Variants in CENPVL3 observed in about 807,000 individuals in gnomAD.
The protein encoded by CENPVL3 is centromere protein V-like protein 3.
Position 51,618,739 on chromosome X carries a change from G to A in CENPVL3, c.135C>T (p.Val45=), listed in dbSNP as rs1922341248. The A allele has an allele frequency of 3.4e-6, 1 of 296,369 alleles. No individual in the cohort carries two copies. The allele number at this position is 296,369 out of a possible 1,213,427, so 24.4% of individuals were successfully genotyped here. A position where few individuals can be genotyped will look rare whatever the true frequency, so the allele number is the denominator to read the frequency against. ...RAQCPRVQVG[V]GSHAAAKRWL... ...ACCTCTTGGCCGCCGCGTGGCTCCC[G>A]ACCCCGACTTGGACCCGGGGGCACT... The change falls in exon 1 of 1, where the codon GTC becomes GTT. Residue 45 remains valine (V), a synonymous_variant. Transcript: ENST00000417339.
rs1354844365 is a variant in CENPVL3, at chrX:51,617,946, G to A, written c.*109C>T. Reference sequence around the variant, plus strand: ...GGGCAAATACTGGAAGGGAATCCCCGGTGTGACCAGGCCAGAAACACCTCT... The same window carrying A: ...GGGCAAATACTGGAAGGGAATCCCCAGTGTGACCAGGCCAGAAACACCTCT... On this transcript the variant is annotated 3_prime_UTR_variant, in exon 1 of 1. Transcript: ENST00000417339. The A allele has an allele frequency of 5.9e-6, 1 of 168,512 alleles. No individual in the cohort carries two copies. Among genetic ancestry groups the A allele is most frequent in the African/African-American group, 5.5e-5 (1 of 18,255 alleles). The allele number at this position is 168,512 out of a possible 1,213,427, so 13.9% of individuals were successfully genotyped here. A position where few individuals can be genotyped will look rare whatever the true frequency, so the allele number is the denominator to read the frequency against.
At position 51,618,543 on chromosome X, in the gene CENPVL3, C is replaced by T; in HGVS notation, c.331G>A (p.Gly111Ser). Residue 111 changes from glycine to serine, a missense_variant, in exon 1 of 1, where the codon GGC becomes AGC. Gly to Ser is a moderately conservative substitution (Grantham distance 56). Transcript: ENST00000417339. ...ERWETFRKLW[G>S]LSCEGAAKVL... ...TTGGCGGCGCCCTCGCAGCTGAGGCCCCACAGTTTCCTGAACGTCTCCCAG... is the reference window on the plus strand; with the variant it reads ...TTGGCGGCGCCCTCGCAGCTGAGGCTCCACAGTTTCCTGAACGTCTCCCAG... 1.0e-5 allele frequency: 3 copies of T among 298,089 alleles called. No homozygotes were observed. The highest frequency in any genetic ancestry group is 1.8e-5 in the Non-Finnish European group (3 of 170,415). The allele number at this position is 298,089 out of a possible 1,213,427, so 24.6% of individuals were successfully genotyped here. A position where few individuals can be genotyped will look rare whatever the true frequency, so the allele number is the denominator to read the frequency against.
At position 51,617,682 on chromosome X, in the gene CENPVL3, GA is replaced by G. The variant is rs1393517738; in HGVS notation, c.*372del. ...TCCTACACACCAGACGCAAAGCGCT[GA>G]AAACAACAAGCCTGTTCACAATAGC... On this transcript the variant is annotated 3_prime_UTR_variant, in exon 1 of 1. Transcript: ENST00000417339. 3.7e-5 allele frequency: 5 copies of G among 135,005 alleles called. No homozygotes were observed. The highest frequency in any genetic ancestry group is 1.6e-4 in the African/African-American group (5 of 31,352). 11.1% of individuals were successfully genotyped at this position (135,005 alleles called of 1,213,427 possible). A position where few individuals can be genotyped will look rare whatever the true frequency, so the allele number is the denominator to read the frequency against.
chrX:51,618,785 A>G lies in CENPVL3; in HGVS notation c.89T>C (p.Val30Ala), dbSNP rs1372356830. Residue 30 changes from valine to alanine, a missense_variant, in exon 1 of 1, where the codon GTC (valine) becomes GCC (alanine). By Grantham distance (64) the Val-to-Ala change is moderately conservative. Transcript: ENST00000417339. The part of the protein sequence containing the change: ...DPPAACAAIA[V>A]MGASRAQCPR... ...GCACTGCGCGCGGCTGGCGCCCATG[A>G]CCGCGATGGCCGCGCAGGCGGCGGG... is the stretch of plus-strand genomic sequence containing the variant. 6.8e-6 allele frequency: 2 copies of G among 296,183 alleles called. No individual in the cohort carries two copies. The highest frequency in any genetic ancestry group is 6.1e-5 in the Admixed American group (1 of 16,469). 24.4% of individuals were successfully genotyped at this position (296,183 alleles called of 1,213,427 possible). A position where few individuals can be genotyped will look rare whatever the true frequency, so the allele number is the denominator to read the frequency against.
Position 51,618,744 on chromosome X carries a change from C to G in CENPVL3, c.130G>C (p.Gly44Arg), listed in dbSNP as rs1557340215. 1 of 296,462 alleles carries G rather than the reference C, an allele frequency of 3.4e-6. No homozygotes were observed. Among genetic ancestry groups the G allele is most frequent in the African/African-American group, 2.7e-5 (1 of 36,880 alleles). 24.4% of individuals were successfully genotyped at this position (296,462 alleles called of 1,213,427 possible). ...TTGGCCGCCGCGTGGCTCCCGACCC[C>G]GACTTGGACCCGGGGGCACTGCGCG... ...SRAQCPRVQV[G>R]VGSHAAAKRW... The change falls in exon 1 of 1, where the codon GGG (glycine) becomes CGG (arginine). Residue 44 changes from glycine (G) to arginine (R), a missense_variant. Gly to Arg is a moderately radical substitution (Grantham distance 125). Transcript: ENST00000417339.
rs1557340099 is a variant in CENPVL3 at position 51,617,601 on chromosome X, C to T, written c.*454G>A. ...CTAAAACACACACGTCGCACACACACGATAATGAATGGAAGACGTCCTAGC... is the reference window on the plus strand; with the variant it reads ...CTAAAACACACACGTCGCACACACATGATAATGAATGGAAGACGTCCTAGC... On this transcript the variant is annotated 3_prime_UTR_variant, in exon 1 of 1. Coordinates refer to ENST00000417339, the MANE Select transcript of CENPVL3 (RefSeq NM_001355276.2). 8.3e-6 allele frequency: 1 copy of T among 120,267 alleles called. No individual in the cohort carries two copies. The highest frequency in any genetic ancestry group is 3.2e-5 in the African/African-American group (1 of 31,216). The allele number at this position is 120,267 out of a possible 1,213,427, so 9.9% of individuals were successfully genotyped here.
Position 51,617,759 on chromosome X carries a change from T to C in CENPVL3, c.*296A>G, listed in dbSNP as rs187996114. The C allele has an allele frequency of 4.7e-6, 1 of 212,002 alleles. No homozygotes were observed. The highest frequency in any genetic ancestry group is 3.0e-5 in the African/African-American group (1 of 33,423). The allele number at this position is 212,002 out of a possible 1,213,427, so 17.5% of individuals were successfully genotyped here. Reference sequence around the variant, plus strand: ...TCATCTGCAGGTGATTTGTGACAACTGTAGGCAGAACAGTAAAAGCGAGAG... The same window carrying C: ...TCATCTGCAGGTGATTTGTGACAACCGTAGGCAGAACAGTAAAAGCGAGAG... On this transcript the variant is annotated 3_prime_UTR_variant, in exon 1 of 1. Transcript: ENST00000417339.
rs1410809315 is a variant in CENPVL3, at chrX:51,617,156, A to G, written c.*899T>C. 3.6e-5 allele frequency: 4 copies of G among 112,071 alleles called. No individual in the cohort carries two copies. The Admixed American group carries it at 3.8e-4, about 11-fold the overall frequency. 9.2% of individuals were successfully genotyped at this position (112,071 alleles called of 1,213,427 possible). A position where few individuals can be genotyped will look rare whatever the true frequency, so the allele number is the denominator to read the frequency against. On this transcript the variant is annotated 3_prime_UTR_variant, in exon 1 of 1. Coordinates refer to ENST00000417339, the MANE Select transcript of CENPVL3 (RefSeq NM_001355276.2). The stretch of plus-strand genomic sequence containing the variant: ...ATTACATAAATTATGAAAGATCCAT[A>G]TTTTTTAATTCTATGAAGCCATAAA...
Position 51,618,855 on chromosome X carries a change from G to C in CENPVL3, c.19C>G (p.Arg7Gly). Residue 7 changes from arginine to glycine, a missense_variant, in exon 1 of 1, where the codon CGC becomes GGC. Arg to Gly is a moderately radical substitution (Grantham distance 125). Transcript: ENST00000417339. ...CGCCTCCGCCGCTGAGCAGTGGCGCGGTTCCTCACTCTGCCCATGGCGCCT... is the reference window on the plus strand; with the variant it reads ...CGCCTCCGCCGCTGAGCAGTGGCGCCGTTCCTCACTCTGCCCATGGCGCCT... MGRVRN[R>G]ATAQRRRRKR... 6.7e-6 allele frequency: 2 copies of C among 298,055 alleles called. No individual in the cohort carries two copies. The highest frequency in any genetic ancestry group is 5.9e-6 in the Non-Finnish European group (1 of 170,294). The allele number at this position is 298,055 out of a possible 1,213,427, so 24.6% of individuals were successfully genotyped here. A position where few individuals can be genotyped will look rare whatever the true frequency, so the allele number is the denominator to read the frequency against.
rs1224231566 is a variant in CENPVL3 at position 51,618,511 on chromosome X, C to G, written c.363G>C (p.Leu121=). The G allele has an allele frequency of 3.4e-6, 1 of 295,210 alleles. No individual in the cohort carries two copies. Among genetic ancestry groups the G allele is most frequent in the African/African-American group, 2.8e-5 (1 of 36,337 alleles). The allele number at this position is 295,210 out of a possible 1,213,427, so 24.3% of individuals were successfully genotyped here. ...GGCCCGGGTACTCGAAGGTGTCCAGCAGGACCTTGGCGGCGCCCTCGCAGC... is the reference window on the plus strand; with the variant it reads ...GGCCCGGGTACTCGAAGGTGTCCAGGAGGACCTTGGCGGCGCCCTCGCAGC... The part of the protein sequence containing the change: ...GLSCEGAAKV[L]LDTFEYPGLV... Residue 121 remains leucine, a synonymous_variant, in exon 1 of 1, where the codon CTG becomes CTC. Transcript: ENST00000417339.
rs1557340038 is a variant in CENPVL3, at chrX:51,617,030, G to C, written c.*1025C>G. ...AGAGTATCCAGGCCCTTTTACCGAA[G>C]TAGTAGAACAATGCAGACATTTATT... On this transcript the variant is annotated 3_prime_UTR_variant, in exon 1 of 1. Coordinates refer to ENST00000417339, the MANE Select transcript of CENPVL3 (RefSeq NM_001355276.2). The C allele has an allele frequency of 1.8e-5, 2 of 112,102 alleles. No homozygotes were observed. Among genetic ancestry groups the C allele is most frequent in the Non-Finnish European group, 3.8e-5 (2 of 53,241 alleles). 9.2% of individuals were successfully genotyped at this position (112,102 alleles called of 1,213,427 possible).
Position 51,618,601 on chromosome X carries a change from A to G in CENPVL3, c.273T>C (p.Pro91=), listed in dbSNP as rs1186251140. The part of the protein sequence containing the change: ...LPDPPAPAES[P]KELDLGAQRE... ...GCTGTGCGCCCAGGTCCAGCTCCTT[A>G]GGGGACTCGGCGGGCGCCGGCGGGT... The change falls in exon 1 of 1, where the codon CCT becomes CCC. Residue 91 remains proline, a synonymous_variant. Coordinates refer to ENST00000417339, the MANE Select transcript of CENPVL3 (RefSeq NM_001355276.2). 6.4e-5 allele frequency: 19 copies of G among 296,686 alleles called. No individual in the cohort carries two copies. The highest frequency in any genetic ancestry group is 8.6e-4 in the Middle Eastern group (1 of 1,158). The allele number at this position is 296,686 out of a possible 1,213,427, so 24.5% of individuals were successfully genotyped here.
chrX:51,618,808 G>A lies in CENPVL3; in HGVS notation c.66C>T (p.Pro22=), dbSNP rs1557340222. Residue 22 remains proline, a synonymous_variant, in exon 1 of 1, where the codon CCC becomes CCT. Coordinates refer to ENST00000417339, the MANE Select transcript of CENPVL3 (RefSeq NM_001355276.2). ...RRRRKRPGDP[P]AACAAIAVMG... ...TGACCGCGATGGCCGCGCAGGCGGC[G>A]GGAGGATCCCCGGGCCGCTTTCGCC... The A allele has an allele frequency of 3.4e-6, 1 of 296,800 alleles. No individual in the cohort carries two copies. Among genetic ancestry groups the A allele is most frequent in the Non-Finnish European group, 5.9e-6 (1 of 169,918 alleles). 24.5% of individuals were successfully genotyped at this position (296,800 alleles called of 1,213,427 possible).
In CENPVL3 at chrX:51,618,633, G is replaced by A. The variant is rs1454824903; in HGVS notation, c.241C>T (p.Leu81Phe). The change falls in exon 1 of 1, where the codon CTC becomes TTC. Residue 81 changes from leucine to phenylalanine, a missense_variant. Physicochemically the swap from Leu to Phe is conservative, Grantham distance 22. Coordinates refer to ENST00000417339, the MANE Select transcript of CENPVL3 (RefSeq NM_001355276.2). ...TCGGCGGGCGCCGGCGGGTCCGGGA[G>A]TGGCGCGGAGGGCAGCGGATCTCTG... ...GSRDPLPSAP[L>F]PDPPAPAESP... is the part of the protein sequence containing the mutation. The A allele has an allele frequency of 6.7e-6, 2 of 296,627 alleles. No homozygotes were observed. Among genetic ancestry groups the A allele is most frequent in the Non-Finnish European group, 1.2e-5 (2 of 169,842 alleles). The allele number at this position is 296,627 out of a possible 1,213,427, so 24.4% of individuals were successfully genotyped here.
At position 51,618,165 on chromosome X, in the gene CENPVL3, C is replaced by T. The variant is rs1442976674; in HGVS notation, c.709G>A (p.Glu237Lys). The T allele has an allele frequency of 8.4e-6, 2 of 237,195 alleles. No individual in the cohort carries two copies. The highest frequency in any genetic ancestry group is 1.4e-5 in the Non-Finnish European group (2 of 146,620). The allele number at this position is 237,195 out of a possible 1,213,427, so 19.5% of individuals were successfully genotyped here. A position where few individuals can be genotyped will look rare whatever the true frequency, so the allele number is the denominator to read the frequency against. Residue 237 changes from glutamate (E) to lysine (K), a missense_variant, in exon 1 of 1, where the codon GAG becomes AAG. Physicochemically the swap from Glu to Lys is moderately conservative, Grantham distance 56. Transcript: ENST00000417339. ...CCCGGGTCGCCACCGCCGACCTCCT[C>T]GATGACCACGCTGCGCACGGTGCCC... The part of the protein sequence containing the change: ...DEGTVRSVVI[E>K]EVGGGDPGEE...
At position 51,618,782 on chromosome X, in the gene CENPVL3, A is replaced by T. The variant is rs376509001; in HGVS notation, c.92T>A (p.Met31Lys). ...PPAACAAIAV[M>K]GASRAQCPRV... ...GGGGCACTGCGCGCGGCTGGCGCCCATGACCGCGATGGCCGCGCAGGCGGC... is the reference window on the plus strand; with the variant it reads ...GGGGCACTGCGCGCGGCTGGCGCCCTTGACCGCGATGGCCGCGCAGGCGGC... Residue 31 changes from methionine to lysine, a missense_variant, in exon 1 of 1, where the codon ATG becomes AAG. Coordinates refer to ENST00000417339, the MANE Select transcript of CENPVL3 (RefSeq NM_001355276.2). 3.4e-6 allele frequency: 1 copy of T among 296,358 alleles called. No homozygotes were observed. The highest frequency in any genetic ancestry group is 4.8e-5 in the East Asian group (1 of 20,942). The allele number at this position is 296,358 out of a possible 1,213,427, so 24.4% of individuals were successfully genotyped here.
rs1250993753 is a variant in CENPVL3, at chrX:51,618,756, G to A, written c.118C>T (p.Arg40Trp). Residue 40 changes from arginine to tryptophan, a missense_variant, in exon 1 of 1, where the codon CGG becomes TGG. Coordinates refer to ENST00000417339, the MANE Select transcript of CENPVL3 (RefSeq NM_001355276.2). ...VMGASRAQCP[R>W]VQVGVGSHAA... ...TGGCTCCCGACCCCGACTTGGACCCGGGGGCACTGCGCGCGGCTGGCGCCC... is the reference window on the plus strand; with the variant it reads ...TGGCTCCCGACCCCGACTTGGACCCAGGGGCACTGCGCGCGGCTGGCGCCC... 2.7e-5 allele frequency: 8 copies of A among 296,249 alleles called. No individual in the cohort carries two copies. The highest frequency in any genetic ancestry group is 2.0e-4 in the South Asian group (1 of 4,983). 24.4% of individuals were successfully genotyped at this position (296,249 alleles called of 1,213,427 possible).
rs1922333233 is a variant in CENPVL3 at position 51,618,559 on chromosome X, C to A, written c.315G>T (p.Thr105=). ...AGCTGAGGCCCCACAGTTTCCTGAA[C>A]GTCTCCCAGCGCTCCCGCTGTGCGC... The part of the protein sequence containing the change: ...DLGAQRERWE[T]FRKLWGLSCE... Residue 105 remains threonine, a synonymous_variant, in exon 1 of 1, where the codon ACG becomes ACT. Transcript: ENST00000417339. 3 of 296,885 alleles carry A rather than the reference C, an allele frequency of 1.0e-5. No homozygotes were observed. Among genetic ancestry groups the A allele is most frequent in the East Asian group, 9.5e-5 (2 of 20,951 alleles). 24.5% of individuals were successfully genotyped at this position (296,885 alleles called of 1,213,427 possible).
At position 51,617,564 on chromosome X, in the gene CENPVL3, G is replaced by C. The variant is rs1922308260; in HGVS notation, c.*491C>G. 8.7e-6 allele frequency: 1 copy of C among 114,961 alleles called. No individual in the cohort carries two copies. The highest frequency in any genetic ancestry group is 3.2e-5 in the African/African-American group (1 of 30,939). The allele number at this position is 114,961 out of a possible 1,213,427, so 9.5% of individuals were successfully genotyped here. ...GATAACTGGACTAAGTAGTGCAAAC[G>C]TGAATGTCTATCTAAAACACACACG... On this transcript the variant is annotated 3_prime_UTR_variant, in exon 1 of 1. Transcript: ENST00000417339.
Sources: gnomAD v4.1 joint callset for allele counts on GRCh38, gnomAD v4.1.1 for gene constraint, MANE v1.5 for transcripts, NCBI Gene and HGNC (gene_info 2026-07-23, HGNC 2026-07-21) for gene names.